PRIM2: variants seen among roughly 807,000 people sequenced by gnomAD.
PRIM2 encodes the protein DNA primase subunit 2.
A neutral mutation model predicts 67.3 loss-of-function variants in PRIM2; 39 were observed. The observed-to-expected ratio is 0.58, with a 90% CI of 0.45 to 0.76. PRIM2 has a LOEUF of 0.76. PRIM2 is among the 30% of genes least tolerant of loss of function. The probability of loss-of-function intolerance (pLI) is 0.00; values close to 1 mark genes in which losing one functional copy is unlikely to be tolerated. For missense variants in PRIM2, 398 were observed against 598.7 expected (o/e 0.66, Z 3.50); for synonymous variants, 143 against 198.7 (o/e 0.72, Z 2.36).
At chr6:57,401,520 A>T (rs1770707452) in intron 7 of PRIM2, among the ~76,000 whole-genome samples, 1 of 151,954 alleles carries the variant, frequency 6.6e-6, no homozygotes, top group African/African-American at 2.4e-5. Flanking sequence ...TTCCCTCTTA[A>T]TGTGTGGGGT....
intron 13 of PRIM2, among the ~76,000 whole-genome samples, chr6:57,640,958 T>G (rs1247710580): frequency 2.0e-5 from 3 of 148,838 alleles, no homozygotes; most frequent in Admixed American, 6.7e-5. Context: ...AAAACAACGC[T>G]AGAGGCATCA....
intron 7 of PRIM2, among the ~76,000 whole-genome samples, chr6:57,394,380 C>A (rs1770452502): frequency 6.6e-6 from 1 of 152,094 alleles, no homozygotes; most frequent in Admixed American, 6.6e-5. Context: ...CTTTTGACTC[C>A]TTGGTTAGGT....
the PRIM2 span, among the ~76,000 whole-genome samples, chr6:57,230,584 T>C: frequency 6.6e-6 from 1 of 152,248 alleles, no homozygotes; most frequent in South Asian, 2.1e-4. Flanking sequence ...TTATTTTTTA[T>C]TGCAAATTAA....
At chr6:57,240,687 ATAATTGATAGAATACATAAC>A in the PRIM2 span, among the ~76,000 whole-genome samples, 1 of 152,180 alleles carries the variant, frequency 6.6e-6, no homozygotes, top group Non-Finnish European at 1.5e-5. Flanking sequence ...CCAAGGAGAG[ATAATTGATAGAATACATAAC>A]ATGTTTGAAA....
At chr6:57,531,357 T>A (rs1478763043) in intron 8 of PRIM2, among the ~76,000 whole-genome samples, 1 of 152,190 alleles carries the variant, frequency 6.6e-6, no homozygotes, top group African/African-American at 2.4e-5. Context: ...AGAGACAGAG[T>A]CTTACTCTGT....
At chr6:57,594,747 A>G (rs1776336558) in intron 10 of PRIM2, among the ~76,000 whole-genome samples, 1 of 152,190 alleles carries the variant, frequency 6.6e-6, no homozygotes. Context: ...TATCTTTGCA[A>G]TTTATCTTAG....
the PRIM2 span, among the ~76,000 whole-genome samples, chr6:57,303,042 G>T: frequency 1.3e-5 from 2 of 152,122 alleles, no homozygotes; most frequent in Admixed American, 6.5e-5. Context: ...TGATGTATAT[G>T]ATTTTTATGT....
chr6:57,615,429 A>T (rs1776738346), intron 12 of PRIM2, among the ~76,000 whole-genome samples: 2 of 152,204 alleles, frequency 1.3e-5, no homozygotes, highest in Admixed American at 1.3e-4. Context: ...TCAAAAAAAA[A>T]AAAAAAAAAA....
At chr6:57,510,366 CAAAAGGTAA>C (rs1380615784) in intron 8 of PRIM2, among the ~76,000 whole-genome samples, 1 of 152,004 alleles carries the variant, frequency 6.6e-6, no homozygotes, top group Non-Finnish European at 1.5e-5. Context: ...ACCACTGGTT[CAAAAGGTAA>C]AAACCTAAAG....
the PRIM2 span, among the ~76,000 whole-genome samples, chr6:57,257,704 G>A: frequency 3.9e-5 from 6 of 152,148 alleles, no homozygotes; most frequent in Non-Finnish European, 8.8e-5. Context: ...ACTGTACCCT[G>A]GGGCAAGTTG....
chr6:57,231,917 G>A, the PRIM2 span, among the ~76,000 whole-genome samples: 4 of 151,746 alleles, frequency 2.6e-5, no homozygotes, highest in Non-Finnish European at 4.4e-5. Flanking sequence ...AAATGGATAT[G>A]GAATTTATGG....
intron 5 of PRIM2, among the ~76,000 whole-genome samples, chr6:57,334,177 C>T (rs1453890795): frequency 1.3e-5 from 2 of 152,056 alleles, no homozygotes; most frequent in African/African-American, 4.8e-5. Context: ...CTTTCTGTGC[C>T]TGGCTTTATT....
chr6:57,484,424 A>G (rs1773698748), intron 7 of PRIM2, among the ~76,000 whole-genome samples: 1 of 152,118 alleles, frequency 6.6e-6, no homozygotes, highest in Non-Finnish European at 1.5e-5. Flanking sequence ...CTAAGTTTCA[A>G]CTGAACTCAG....
intron 5 of PRIM2, among the ~76,000 whole-genome samples, chr6:57,369,970 C>T (rs1769490193): frequency 6.6e-6 from 1 of 152,170 alleles, no homozygotes; most frequent in African/African-American, 2.4e-5. Flanking sequence ...GCCTATTGTA[C>T]ACACTTTACA....
chr6:57,344,370 A>G (rs1768600246), intron 5 of PRIM2, among the ~76,000 whole-genome samples: 3 of 152,062 alleles, frequency 2.0e-5, no homozygotes, highest in African/African-American at 7.2e-5. Context: ...GATAATAGGT[A>G]TATGTTATAT....
chr6:57,272,439 G>T, the PRIM2 span, among the ~76,000 whole-genome samples: 1 of 152,022 alleles, frequency 6.6e-6, no homozygotes, highest in Middle Eastern at 3.2e-3. Flanking sequence ...TCAGAGACTA[G>T]GATTGCAACC....
At chr6:57,355,228 C>T (rs1768991352) in intron 5 of PRIM2, among the ~76,000 whole-genome samples, 2 of 149,964 alleles carry the variant, frequency 1.3e-5, no homozygotes, top group South Asian at 2.1e-4. Flanking sequence ...CACTTGAACT[C>T]GAGAGGCGGA....
At chr6:57,618,511 A>G (rs1244791775) in intron 12 of PRIM2, among the ~76,000 whole-genome samples, 2 of 151,944 alleles carry the variant, frequency 1.3e-5, no homozygotes, top group Non-Finnish European at 2.9e-5. Context: ...CACCCCAAAT[A>G]CTCTGGGAGG....
chr6:57,481,352 G>A (rs1197251813), intron 7 of PRIM2, among the ~76,000 whole-genome samples: 2 of 152,098 alleles, frequency 1.3e-5, no homozygotes, highest in African/African-American at 4.8e-5. Context: ...GACTCATACA[G>A]TATGTACATT....
Sources: allele counts gnomAD v4.1 joint callset (sites outside exome capture counted in the v4.1 genomes callset), GRCh38; gene constraint gnomAD v4.1.1; transcripts MANE v1.5; gene names NCBI Gene and HGNC (gene_info 2026-07-23, HGNC 2026-07-21).